ESRRG: variants seen among roughly 807,000 people sequenced by gnomAD.
ESRRG encodes the protein estrogen related receptor gamma.
Under a neutral mutation model 44.0 loss-of-function variants are expected in ESRRG, and 13 were observed. That is an observed-to-expected ratio of 0.30 (90% CI 0.19 to 0.47). ESRRG has a LOEUF of 0.47. Among genes scored for constraint, ESRRG ranks in the 20% least tolerant of loss-of-function variants. The pLI is 1.00. For synonymous variants in ESRRG, 215 were observed against 214.6 expected, an observed-to-expected ratio of 1.00 and a Z score of -0.02; for missense variants, 395 against 580.6, an observed-to-expected ratio of 0.68 and a Z score of 3.29.
chr1:217,072,089 A>G, intron 1 of ESRRG, among the ~76,000 whole-genome samples: 1 of 152,208 alleles, frequency 6.6e-6, no homozygotes, highest in East Asian at 1.9e-4. Flanking sequence ...GATGTTCAGT[A>G]ACATTCTGAT....
intron 1 of ESRRG, among the ~76,000 whole-genome samples, chr1:216,696,379 A>G (rs1575439881): frequency 6.6e-6 from 1 of 152,294 alleles, no homozygotes; most frequent in East Asian, 1.9e-4. Flanking sequence ...TTAATCTTCT[A>G]AAGATTTTTT....
chr1:217,024,804 C>T (rs1455264869), intron 1 of ESRRG, among the ~76,000 whole-genome samples: 3 of 152,156 alleles, frequency 2.0e-5, no homozygotes, highest in Non-Finnish European at 4.4e-5. Flanking sequence ...CACAACAGCT[C>T]TATGAGGGAG....
At chr1:216,778,542 G>T (rs1559598445) in intron 2 of ESRRG, among the ~76,000 whole-genome samples, 1 of 151,880 alleles carries the variant, frequency 6.6e-6, no homozygotes, top group Admixed American at 6.6e-5. Flanking sequence ...CAGTCAAGCA[G>T]CAGTCTCTAA....
At chr1:216,709,341 G>GTATA (rs1483599909) in intron 1 of ESRRG, among the ~76,000 whole-genome samples, 70 of 42,786 alleles carry the variant, frequency 1.6e-3, no homozygotes, top group South Asian at 4.6e-3. Context: ...GTGTGTGTGT[G>GTATA]TGTATATATA....
At chr1:216,565,952 A>G (rs1317218556) in intron 4 of ESRRG, among the ~76,000 whole-genome samples, 1 of 149,364 alleles carries the variant, frequency 6.7e-6, no homozygotes, top group Non-Finnish European at 1.5e-5. Flanking sequence ...AAGAGCATAA[A>G]AATATATCCG....
At chr1:216,593,482 C>G (rs1428004082) in intron 3 of ESRRG, among the ~76,000 whole-genome samples, 1 of 152,180 alleles carries the variant, frequency 6.6e-6, no homozygotes, top group East Asian at 1.9e-4. Flanking sequence ...ACATCTAGGA[C>G]AACTAGGCTA....
At chr1:216,806,721 T>C (rs1265886601) in intron 2 of ESRRG, among the ~76,000 whole-genome samples, 1 of 152,146 alleles carries the variant, frequency 6.6e-6, no homozygotes, top group Non-Finnish European at 1.5e-5. Flanking sequence ...AATACTGAGC[T>C]TGAGGAAACA....
intron 2 of ESRRG, among the ~76,000 whole-genome samples, chr1:216,673,493 C>G (rs1214401923): frequency 1.3e-5 from 2 of 152,322 alleles, no homozygotes; most frequent in African/African-American, 4.8e-5. Flanking sequence ...ACATCTCTGT[C>G]TCCTGCTCAA....
chr1:216,908,920 CAT>C (rs2059997826), intron 2 of ESRRG, among the ~76,000 whole-genome samples: 1 of 151,022 alleles, frequency 6.6e-6, no homozygotes, highest in Non-Finnish European at 1.5e-5. Flanking sequence ...AATATTAAAA[CAT>C]ATTTTATGGA....
intron 1 of ESRRG, among the ~76,000 whole-genome samples, chr1:217,074,452 CAAAA>C (rs10656995): frequency 7.2e-6 from 1 of 138,580 alleles, no homozygotes; most frequent in African/African-American, 2.6e-5. Flanking sequence ...CCACCCCCCC[CAAAA>C]AAAAAAAAAC....
chr1:216,981,773 C>A (rs879047255), intron 1 of ESRRG, among the ~76,000 whole-genome samples: 7 of 151,954 alleles, frequency 4.6e-5, no homozygotes, highest in Non-Finnish European at 8.8e-5. Flanking sequence ...TTTTCCAAAC[C>A]AAGACTTGTC....
chr1:216,732,932 A>T (rs1452674182), intron 2 of ESRRG, among the ~76,000 whole-genome samples: 1 of 152,020 alleles, frequency 6.6e-6, no homozygotes. Context: ...CATAGCTCCA[A>T]ATTGACTGCT....
chr1:216,746,359 A>G, intron 2 of ESRRG, among the ~76,000 whole-genome samples: 1 of 152,162 alleles, frequency 6.6e-6, no homozygotes, highest in Non-Finnish European at 1.5e-5. Context: ...GAAAAGAAAA[A>G]TGATACCAAA....
intron 2 of ESRRG, among the ~76,000 whole-genome samples, chr1:216,764,895 G>GT (rs1033152295): frequency 1.3e-5 from 2 of 152,048 alleles, no homozygotes; most frequent in African/African-American, 4.8e-5. Context: ...AAGGCCCAAA[G>GT]TGAGAGGGGT....
intron 1 of ESRRG, among the ~76,000 whole-genome samples, chr1:217,088,608 G>C (rs184404958): frequency 6.0e-4 from 91 of 151,906 alleles, no homozygotes; most frequent in South Asian, 1.3e-3. Flanking sequence ...CAACATAACC[G>C]AGACAAGCAC....
chr1:216,619,019 T>G (rs2061806292), intron 3 of ESRRG, among the ~76,000 whole-genome samples: 5 of 152,230 alleles, frequency 3.3e-5, no homozygotes, highest in African/African-American at 9.6e-5. Context: ...GCAAATTAAT[T>G]TGGCGAGGCA....
intron 3 of ESRRG, among the ~76,000 whole-genome samples, chr1:216,576,538 A>G (rs2061710366): frequency 6.6e-6 from 1 of 152,058 alleles, no homozygotes; most frequent in Non-Finnish European, 1.5e-5. Context: ...TTTCGGATTC[A>G]AGTTGCATCC....
chr1:217,105,545 T>G (rs980662066), intron 1 of ESRRG, among the ~76,000 whole-genome samples: 2 of 152,080 alleles, frequency 1.3e-5, no homozygotes, highest in Admixed American at 1.3e-4. Context: ...TGTGCCTGGG[T>G]CCTCTCTAAA....
At chr1:216,957,144 C>G (rs2068096943) in intron 1 of ESRRG, among the ~76,000 whole-genome samples, 1 of 152,156 alleles carries the variant, frequency 6.6e-6, no homozygotes, top group Non-Finnish European at 1.5e-5. Context: ...TTCCTCCTCA[C>G]TGGTTGCTTC....
Sources: allele counts gnomAD v4.1 joint callset (sites outside exome capture counted in the v4.1 genomes callset), GRCh38; gene constraint gnomAD v4.1.1; transcripts MANE v1.5; gene names NCBI Gene and HGNC (gene_info 2026-07-23, HGNC 2026-07-21).